NEBL: variants seen among roughly 807,000 people sequenced by gnomAD.
The protein encoded by NEBL is LIM and SH3 protein 2.
NEBL carries 122 observed loss-of-function variants against 140.2 expected under a neutral mutation model. That is an observed-to-expected ratio of 0.87 (90% CI 0.75 to 1.01). The LOEUF is 1.01. Among genes scored for constraint, NEBL ranks in the 50% least tolerant of loss-of-function variants. The probability of loss-of-function intolerance (pLI) is 0.00; values close to 1 mark genes in which losing one functional copy is unlikely to be tolerated. For synonymous variants in NEBL, 436 were observed against 398.9 expected (o/e 1.09, Z -1.11); for missense variants, 1,365 against 1,231.3 (o/e 1.11, Z -1.62).
intron 7 of NEBL, among the ~76,000 whole-genome samples, chr10:20,862,860 AC>A (rs764833913): frequency 6.6e-5 from 10 of 151,886 alleles, no homozygotes; most frequent in South Asian, 2.1e-4. Context: ...AATATTTATC[AC>A]CTTTTTTTAT....
At chr10:21,166,235 A>G (rs1282365741) in intron 2 of NEBL, among the ~76,000 whole-genome samples, 3 of 127,184 alleles carry the variant, frequency 2.4e-5, no homozygotes, top group East Asian at 3.6e-4. Flanking sequence ...AAAAAAAAAA[A>G]AAAAAAAAAA....
chr10:21,004,974 A>G lies in NEBL; in HGVS notation c.249+15143T>C, dbSNP rs73607569. The stretch of plus-strand genomic sequence containing the variant: ...GGCATTTCTATGGAGAAACTGGTGA[A>G]TTAAGGGTAGGCCATTTAATAGAGG... On this transcript the variant is annotated intron_variant, in intron 3 of 6. Transcript: ENST00000417816. 5.3e-3 allele frequency among the ~76,000 whole-genome samples: 815 copies of G among 152,350 alleles called. 6 individuals carry two copies. Among genetic ancestry groups the G allele is most frequent in the African/African-American group, 0.019 (793 of 41,576 alleles).
intron 5 of NEBL, among the ~76,000 whole-genome samples, chr10:20,874,756 T>C (rs964012767): frequency 6.6e-5 from 10 of 152,168 alleles, no homozygotes. Context: ...TTTTCTTTTT[T>C]GAAGATGAAG....
chr10:21,196,724 GA>G (rs1841658370), intron 3 of NEBL, among the ~76,000 whole-genome samples: 1 of 152,100 alleles, frequency 6.6e-6, no homozygotes, highest in Non-Finnish European at 1.5e-5. Flanking sequence ...TGGCTTCAAG[GA>G]CACTACTCAG....
chr10:21,105,879 C>T (rs1255235110), intron 2 of NEBL, among the ~76,000 whole-genome samples: 7 of 152,204 alleles, frequency 4.6e-5, no homozygotes, highest in Non-Finnish European at 2.9e-5. Context: ...GATCACCATT[C>T]TAACTGGCAT....
chr10:20,791,346 T>C (rs553092193), intron 26 of NEBL, among the ~76,000 whole-genome samples: 2 of 152,268 alleles, frequency 1.3e-5, no homozygotes, highest in African/African-American at 4.8e-5. Flanking sequence ...AAGAAGTGAA[T>C]ACATGTGAAG....
intron 1 of NEBL, among the ~76,000 whole-genome samples, chr10:21,264,696 TAAAAAAAAAAAAAAAAA>T (rs71392177): frequency 2.0e-3 from 61 of 30,724 alleles, no homozygotes; most frequent in East Asian, 0.016. Context: ...AGTTGCTATT[TAAAAAAAAAAAAAAAAA>T]AAAAAAAAAA....
intron 2 of NEBL, chr10:21,125,640 T>C: frequency 2.0e-6 from 1 of 488,428 alleles, no homozygotes; most frequent in Non-Finnish European, 3.6e-6. Context: ...TTCCCAGCCA[T>C]CAAAAATAGT....
intron 24 of NEBL, among the ~76,000 whole-genome samples, chr10:20,810,372 A>C (rs112771870): frequency 7.2e-5 from 11 of 152,276 alleles, no homozygotes; most frequent in African/African-American, 1.7e-4. Flanking sequence ...AACAAACAAA[A>C]AAAAAGTCCC....
At chr10:21,112,133 T>C (rs372933543) in intron 2 of NEBL, among the ~76,000 whole-genome samples, 37 of 152,226 alleles carry the variant, frequency 2.4e-4, no homozygotes, top group South Asian at 8.3e-4. Flanking sequence ...TGCTTTTACA[T>C]GGTTGGTGGG....
intron 3 of NEBL, among the ~76,000 whole-genome samples, chr10:21,205,192 C>T (rs1057191800): frequency 3.9e-5 from 6 of 152,178 alleles, no homozygotes; most frequent in African/African-American, 1.4e-4. Context: ...CAAATTGGTA[C>T]ATGACCCTGA....
chr10:20,953,452 TGCCC>T (rs1221284514), intron 4 of NEBL, among the ~76,000 whole-genome samples: 5 of 151,682 alleles, frequency 3.3e-5, no homozygotes, highest in Non-Finnish European at 7.4e-5. Context: ...CGCTTTACGC[TGCCC>T]AACCTGCAAT....
intron 3 of NEBL, among the ~76,000 whole-genome samples, chr10:21,243,915 G>T (rs1400464731): frequency 7.6e-6 from 1 of 130,774 alleles, no homozygotes; most frequent in Non-Finnish European, 1.7e-5. Flanking sequence ...AGGAAGGAAG[G>T]CGAAAGGGAA....
chr10:21,219,368 T>C (rs1294398602), intron 3 of NEBL, among the ~76,000 whole-genome samples: 1 of 152,212 alleles, frequency 6.6e-6, no homozygotes, highest in Admixed American at 6.5e-5. Flanking sequence ...AACCAACCTA[T>C]TGACATTCAA....
chr10:20,932,589 A>T (rs1019112765), intron 4 of NEBL, among the ~76,000 whole-genome samples: 4 of 152,160 alleles, frequency 2.6e-5, no homozygotes, highest in Admixed American at 6.5e-5. Flanking sequence ...TTAAAGTAAA[A>T]TTTTTTTAAA....
intron 3 of NEBL, among the ~76,000 whole-genome samples, chr10:20,989,165 T>G (rs562350245): frequency 6.6e-6 from 1 of 152,336 alleles, no homozygotes; most frequent in Non-Finnish European, 1.5e-5. Flanking sequence ...AATAGAAGAT[T>G]TGTAATCTTG....
intron 24 of NEBL, among the ~76,000 whole-genome samples, chr10:20,810,842 G>A (rs1242358455): frequency 7.2e-5 from 11 of 152,134 alleles, no homozygotes; most frequent in Admixed American, 2.0e-4. Context: ...ATTATGTAGT[G>A]CTGACCATAT....
intron 3 of NEBL, among the ~76,000 whole-genome samples, chr10:20,973,372 G>A (rs73607565): frequency 0.027 from 4,013 of 151,328 alleles, 165 homozygotes; most frequent in African/African-American, 0.09. Context: ...CTCAGCCCCC[G>A]GCATAGCTAG....
chr10:20,965,860 G>A lies in NEBL; in HGVS notation c.250-4081C>T, dbSNP rs145858854. ...TTGGGCCCAGCCTCAGGGCCCTGGCGTCCCCGAAAGACCCCACCAGGCATG... is the reference window on the plus strand; with the variant it reads ...TTGGGCCCAGCCTCAGGGCCCTGGCATCCCCGAAAGACCCCACCAGGCATG... On this transcript the variant is annotated intron_variant, in intron 3 of 6. Transcript: ENST00000417816. Among the ~76,000 whole-genome samples the A allele has an allele frequency of 1.5e-3, 231 of 152,228 alleles. 2 individuals carry two copies. Among genetic ancestry groups the A allele is most frequent in the African/African-American group, 5.1e-3 (212 of 41,540 alleles).
Sources: gnomAD v4.1 joint callset for allele counts (sites outside exome capture counted in the v4.1 genomes callset) on GRCh38, gnomAD v4.1.1 for gene constraint, MANE v1.5 for transcripts, NCBI Gene and HGNC (gene_info 2026-07-23, HGNC 2026-07-21) for gene names.